The following ARL15 variants were observed in gnomAD, a reference collection of about 807,000 sequenced individuals.
The protein encoded by ARL15 is ARF like GTPase 15, also known as ADP-ribosylation factor-like protein 15.
In ARL15, 19 loss-of-function variants were observed where a neutral mutation model predicts 25.2. The observed-to-expected ratio is 0.75, with a 90% CI of 0.53 to 1.10. The LOEUF (loss-of-function observed/expected upper bound fraction) is 1.10. Among genes scored for constraint, ARL15 ranks in the 50% least tolerant of loss-of-function variants. The pLI is 0.00. For missense variants in ARL15, 220 were observed against 246.0 expected, an observed-to-expected ratio of 0.89 and a Z score of 0.71; for synonymous variants, 94 against 86.8, an observed-to-expected ratio of 1.08 and a Z score of -0.46.
intron 4 of ARL15, among the ~76,000 whole-genome samples, chr5:54,046,926 G>T (rs1750538222): frequency 6.6e-6 from 1 of 152,146 alleles, no homozygotes; most frequent in South Asian, 2.1e-4. Context: ...CTGTGCTCAG[G>T]AGTCTCAACA....
In ARL15 at chr5:54,124,308, A is replaced by G. The variant is rs140016892; in HGVS notation, c.254-10898T>C. Among the ~76,000 whole-genome samples the G allele has an allele frequency of 3.1e-3, 470 of 152,336 alleles. 2 individuals carry two copies. The highest frequency in any genetic ancestry group is 8.4e-3 in the Admixed American group (129 of 15,302). On this transcript the variant is annotated intron_variant, in intron 3 of 4. Coordinates refer to ENST00000504924, the MANE Select transcript of ARL15 (RefSeq NM_019087.3). The stretch of plus-strand genomic sequence containing the variant: ...GGTCGAAACAGTTATAGGGCAGCAC[A>G]TATAAAAGTATGTTAATCTGCTTAA...
chr5:53,889,907 G>T (rs1384473391), intron 4 of ARL15, among the ~76,000 whole-genome samples: 1 of 151,442 alleles, frequency 6.6e-6, no homozygotes, highest in Non-Finnish European at 1.5e-5. Context: ...CTGCCTCCTG[G>T]GTTCAAGTGA....
intron 4 of ARL15, among the ~76,000 whole-genome samples, chr5:53,945,859 G>A (rs756533799): frequency 1.3e-5 from 2 of 152,134 alleles, no homozygotes; most frequent in Admixed American, 6.5e-5. Context: ...TGCAGGCCAG[G>A]CCCCTTATTT....
At chr5:54,264,402 G>A (rs1757571234) in intron 1 of ARL15, among the ~76,000 whole-genome samples, 2 of 151,988 alleles carry the variant, frequency 1.3e-5, no homozygotes, top group Admixed American at 1.3e-4. Flanking sequence ...CTTTAACATT[G>A]CCCTAGGTTA....
rs70986653 is a variant in ARL15, at chr5:53,979,829, TTGTGTGTGTGTGTGTGTG to T, written c.463-93134_463-93117del. Among the ~76,000 whole-genome samples the T allele has an allele frequency of 3.3e-3, 471 of 143,078 alleles. 4 individuals carry two copies. Among genetic ancestry groups the T allele is most frequent in the Non-Finnish European group, 4.9e-3 (318 of 65,022 alleles). 93.9% of individuals were successfully genotyped at this position (143,078 alleles called of 152,430 possible). A position where few individuals can be genotyped will look rare whatever the true frequency, so the allele number is the denominator to read the frequency against. On this transcript the variant is annotated intron_variant, in intron 4 of 4. Coordinates refer to ENST00000504924, the MANE Select transcript of ARL15 (RefSeq NM_019087.3). ...CACAGTTGAAAGTCTTTAAAGTCTT[TTGTGTGTGTGTGTGTGTG>T]TGTGTGTGTGTGTGTGTGTGTGTGT...
intron 4 of ARL15, among the ~76,000 whole-genome samples, chr5:53,888,366 G>C (rs1048412934): frequency 1.3e-5 from 2 of 151,946 alleles, no homozygotes; most frequent in Admixed American, 1.3e-4. Context: ...CTGCAGCCTT[G>C]ACGTCCCAGG....
At chr5:54,000,362 G>A (rs970006490) in intron 4 of ARL15, among the ~76,000 whole-genome samples, 2 of 152,122 alleles carry the variant, frequency 1.3e-5, no homozygotes, top group African/African-American at 4.8e-5. Context: ...TGGACATCAC[G>A]TCTGCCTGCA....
intron 3 of ARL15, among the ~76,000 whole-genome samples, chr5:54,132,898 T>C (rs1427614110): frequency 6.6e-6 from 1 of 152,182 alleles, no homozygotes; most frequent in Non-Finnish European, 1.5e-5. Flanking sequence ...TTATGACCTG[T>C]ATCTTGTGGT....
intron 4 of ARL15, chr5:53,912,041 A>C (rs1279005445): frequency 6.6e-6 from 1 of 151,842 alleles, no homozygotes; most frequent in Non-Finnish European, 1.5e-5. Flanking sequence ...ATACTTTATG[A>C]ATTTGCATGT....
chr5:54,120,640 C>G (rs1753043684), intron 3 of ARL15, among the ~76,000 whole-genome samples: 1 of 152,208 alleles, frequency 6.6e-6, no homozygotes, highest in Admixed American at 6.5e-5. Flanking sequence ...GGGATCACAA[C>G]TTGCATAGTT....
At chr5:54,068,891 T>C (rs1032094009) in intron 4 of ARL15, among the ~76,000 whole-genome samples, 1 of 152,194 alleles carries the variant, frequency 6.6e-6, no homozygotes, top group Admixed American at 6.5e-5. Flanking sequence ...TGCCATTTCC[T>C]AGCTACCTGA....
intron 4 of ARL15, among the ~76,000 whole-genome samples, chr5:54,046,445 C>A (rs968571267): frequency 6.6e-6 from 1 of 152,160 alleles, no homozygotes; most frequent in African/African-American, 2.4e-5. Context: ...CATGCCACTG[C>A]ACTCCAGCCT....
intron 4 of ARL15, among the ~76,000 whole-genome samples, chr5:54,033,312 CAAA>C (rs915690044): frequency 6.7e-6 from 1 of 150,310 alleles, no homozygotes; most frequent in Non-Finnish European, 1.5e-5. Context: ...GACTCCGTCT[CAAA>C]AAAAAGACTG....
chr5:54,005,004 C>A (rs1748977437), intron 4 of ARL15, among the ~76,000 whole-genome samples: 1 of 150,510 alleles, frequency 6.6e-6, no homozygotes, highest in Admixed American at 6.7e-5. Context: ...TTTCTTTTTT[C>A]TTTTGAATAA....
Position 54,091,415 on chromosome 5 carries a change from G to A in ARL15, c.462+21787C>T, listed in dbSNP as rs190614812. 9.3e-4 allele frequency among the ~76,000 whole-genome samples: 142 copies of A among 152,152 alleles called. 1 individual carries two copies. The highest frequency in any genetic ancestry group is 3.1e-3 in the African/African-American group (130 of 41,524). On this transcript the variant is annotated intron_variant, in intron 4 of 4. Coordinates refer to ENST00000504924, the MANE Select transcript of ARL15 (RefSeq NM_019087.3). ...GAGAATGTTACTCAAACATAAGGTC[G>A]GTAAAGAAATTTTAGCTTAGAAGTC... is the stretch of plus-strand genomic sequence containing the variant.
chr5:54,131,347 C>T (rs1245859630), intron 3 of ARL15, among the ~76,000 whole-genome samples: 1 of 152,238 alleles, frequency 6.6e-6, no homozygotes, highest in Admixed American at 6.5e-5. Flanking sequence ...TCCCCTTACA[C>T]CCTTCATGCT....
At chr5:53,904,294 A>G (rs1489740306) in intron 4 of ARL15, among the ~76,000 whole-genome samples, 1 of 152,220 alleles carries the variant, frequency 6.6e-6, no homozygotes, top group African/African-American at 2.4e-5. Context: ...GATGCTGACA[A>G]CTGGTGAGCA....
At chr5:54,063,326 C>T (rs1751123294) in intron 4 of ARL15, among the ~76,000 whole-genome samples, 1 of 152,180 alleles carries the variant, frequency 6.6e-6, no homozygotes, top group African/African-American at 2.4e-5. Flanking sequence ...TGCTGCCAAA[C>T]TGTTCTGGGA....
chr5:53,989,092 A>C (rs1416477462), intron 4 of ARL15, among the ~76,000 whole-genome samples: 1 of 152,142 alleles, frequency 6.6e-6, no homozygotes, highest in Non-Finnish European at 1.5e-5. Context: ...AAGAGTCCAG[A>C]CTATGCAGTC....
Sources: gnomAD v4.1 joint callset for allele counts (sites outside exome capture counted in the v4.1 genomes callset) on GRCh38, gnomAD v4.1.1 for gene constraint, MANE v1.5 for transcripts, NCBI Gene and HGNC (gene_info 2026-07-23, HGNC 2026-07-21) for gene names.